Variants in TBCK observed in about 807,000 individuals in gnomAD.
The protein encoded by TBCK is TBC domain-containing protein kinase-like protein.
A neutral mutation model predicts 113.4 loss-of-function variants in TBCK; 99 were observed. That is an observed-to-expected ratio of 0.87 (90% confidence interval 0.74 to 1.03). TBCK has a LOEUF of 1.03. TBCK is among the 50% of genes least tolerant of loss of function. TBCK has a pLI of 0.00. For synonymous variants in TBCK, 369 were observed against 370.8 expected, an observed-to-expected ratio of 1.00 and a Z score of 0.05; for missense variants, 1,045 against 1,061.3, an observed-to-expected ratio of 0.98 and a Z score of 0.21.
chr4:106,200,525 G>A (rs1754762782), intron 20 of TBCK, among the ~76,000 whole-genome samples: 1 of 152,070 alleles, frequency 6.6e-6, no homozygotes, highest in Non-Finnish European at 1.5e-5. Flanking sequence ...AGGTGACAGA[G>A]CAAGACCCTG....
intron 25 of TBCK, among the ~76,000 whole-genome samples, chr4:106,048,218 C>T (rs1441964141): frequency 3.3e-5 from 5 of 152,044 alleles, no homozygotes; most frequent in African/African-American, 1.2e-4. Flanking sequence ...ATAAAGGTCT[C>T]GGTCAGTAGG....
intron 23 of TBCK, among the ~76,000 whole-genome samples, chr4:106,168,953 C>G (rs1750696040): frequency 6.6e-6 from 1 of 151,862 alleles, no homozygotes; most frequent in Non-Finnish European, 1.5e-5. Context: ...TTCTGAGTAC[C>G]AAGATGATAG....
chr4:106,232,846 C>T, intron 17 of TBCK, 92 bp downstream of exon 17: 1 of 1,264,922 alleles, frequency 7.9e-7, no homozygotes, highest in Non-Finnish European at 1.1e-6. Context: ...TCCCCAAAGA[C>T]AAGGATGTTT....
At chr4:106,190,893 A>T (rs1469802533) in intron 22 of TBCK, among the ~76,000 whole-genome samples, 1 of 152,172 alleles carries the variant, frequency 6.6e-6, no homozygotes, top group Non-Finnish European at 1.5e-5. Context: ...GGCGCCTGCC[A>T]CCACGCCCGT....
At chr4:106,094,527 G>T (rs1208548675) in intron 25 of TBCK, among the ~76,000 whole-genome samples, 1 of 152,074 alleles carries the variant, frequency 6.6e-6, no homozygotes, top group African/African-American at 2.4e-5. Context: ...AAGTTTTAAA[G>T]TTCTAATCTG....
intron 23 of TBCK, among the ~76,000 whole-genome samples, chr4:106,148,956 T>C (rs1053108620): frequency 1.3e-5 from 2 of 152,218 alleles, no homozygotes; most frequent in African/African-American, 4.8e-5. Context: ...GTATAGTTGC[T>C]AGATTTTGGG....
intron 24 of TBCK, among the ~76,000 whole-genome samples, chr4:106,102,847 T>C (rs1162674916): frequency 6.6e-6 from 1 of 152,178 alleles, no homozygotes; most frequent in East Asian, 1.9e-4. Flanking sequence ...TTTTCCATAT[T>C]GTACAGGGTC....
chr4:106,272,964 T>C (rs976309519), intron 3 of TBCK, among the ~76,000 whole-genome samples: 1 of 152,208 alleles, frequency 6.6e-6, no homozygotes, highest in African/African-American at 2.4e-5. Flanking sequence ...TTGAATAACC[T>C]GGTATTTCTA....
chr4:106,222,180 TTTC>T (rs1210370745), intron 19 of TBCK, among the ~76,000 whole-genome samples: 16 of 152,066 alleles, frequency 1.1e-4, no homozygotes, highest in Non-Finnish European at 1.8e-4. Context: ...TAATATAAAT[TTTC>T]TTCATTTTAT....
intron 22 of TBCK, among the ~76,000 whole-genome samples, chr4:106,187,960 G>A (rs1753215513): frequency 1.3e-5 from 2 of 152,088 alleles, no homozygotes; most frequent in South Asian, 4.1e-4. Context: ...AGAGGCTATG[G>A]GGATTTCTAG....
intron 23 of TBCK, among the ~76,000 whole-genome samples, chr4:106,129,906 A>G (rs1164752925): frequency 6.6e-6 from 1 of 152,204 alleles, no homozygotes; most frequent in East Asian, 1.9e-4. Context: ...GAGTGAGGTC[A>G]CAGTATTCAT....
Position 106,220,192 on chromosome 4 carries a change from G to A in TBCK, c.1775-7357C>T, listed in dbSNP as rs527727103. On this transcript the variant is annotated intron_variant, in intron 19 of 25. Coordinates refer to ENST00000394708, the MANE Select transcript of TBCK (RefSeq NM_001163435.3). ...ATTCCCACATGTTGTGGGAGGGACC[G>A]GGGTGTGGTAATTGAATCATGGGAG... Among the ~76,000 whole-genome samples the A allele has an allele frequency of 5.9e-5, 9 of 152,232 alleles. No individual in the cohort carries two copies. The South Asian group carries it at 8.3e-4, about 14-fold the overall frequency.
chr4:106,124,745 G>A (rs532476695), intron 23 of TBCK, among the ~76,000 whole-genome samples: 33 of 151,614 alleles, frequency 2.2e-4, no homozygotes, highest in Admixed American at 7.2e-4. Flanking sequence ...GTAAACTATC[G>A]CAAGAACAAA....
chr4:106,083,074 G>C (rs577900828), intron 25 of TBCK, among the ~76,000 whole-genome samples: 1 of 152,202 alleles, frequency 6.6e-6, no homozygotes, highest in Non-Finnish European at 1.5e-5. Flanking sequence ...TAACTCTTGC[G>C]GGGAGAGGCG....
chr4:106,267,919 C>T (rs372970808), intron 3 of TBCK, among the ~76,000 whole-genome samples: 1 of 152,156 alleles, frequency 6.6e-6, no homozygotes, highest in Admixed American at 6.6e-5. Context: ...TGGAAGACTT[C>T]GTATGTTCAC....
chr4:106,056,285 T>G (rs1735384400), intron 25 of TBCK, among the ~76,000 whole-genome samples: 1 of 144,194 alleles, frequency 6.9e-6, no homozygotes, highest in East Asian at 1.9e-4. Context: ...TTTTTTTTTT[T>G]GTAGAAACAA....
intron 19 of TBCK, 56 bp downstream of exon 19, chr4:106,230,307 G>C: frequency 9.0e-7 from 1 of 1,111,970 alleles, no homozygotes; most frequent in East Asian, 2.6e-5. Context: ...TATTACATCA[G>C]CACACCAGTA....
At chr4:106,203,642 A>G (rs1404826606) in intron 20 of TBCK, among the ~76,000 whole-genome samples, 4 of 151,942 alleles carry the variant, frequency 2.6e-5, no homozygotes, top group Non-Finnish European at 4.4e-5. Flanking sequence ...AGAACTATAC[A>G]CTGAAAACTT....
intron 3 of TBCK, among the ~76,000 whole-genome samples, chr4:106,265,349 C>G (rs567096785): frequency 4.6e-5 from 7 of 151,930 alleles, no homozygotes; most frequent in African/African-American, 1.7e-4. Context: ...AATGGGGTGT[C>G]CCCCCGAAGT....
Sources: allele counts gnomAD v4.1 joint callset (sites outside exome capture counted in the v4.1 genomes callset), GRCh38; gene constraint gnomAD v4.1.1; transcripts MANE v1.5; gene names NCBI Gene and HGNC (gene_info 2026-07-23, HGNC 2026-07-21).